Variants in SH3RF2 observed in about 807,000 individuals in gnomAD.
The protein encoded by SH3RF2 is E3 ubiquitin-protein ligase SH3RF2.
SH3RF2 carries 43 observed loss-of-function variants against 59.0 expected under a neutral mutation model. The ratio of observed to expected loss-of-function variants is 0.73; its 90% confidence interval spans 0.57 to 0.94. The LOEUF (loss-of-function observed/expected upper bound fraction) is 0.94, where lower values mean the gene tolerates loss of function less well. Ranked by LOEUF, SH3RF2 falls within the 40% of genes least tolerant of loss-of-function variation. The probability of loss-of-function intolerance (pLI) is 0.00; values close to 1 mark genes in which losing one functional copy is unlikely to be tolerated. For synonymous variants in SH3RF2, 391 were observed against 391.5 expected (o/e 1.00, Z 0.01); for missense variants, 930 against 940.1 (o/e 0.99, Z 0.14).
At chr5:146,026,846 T>C (rs560872048) in intron 5 of SH3RF2, among the ~76,000 whole-genome samples, 2 of 152,290 alleles carry the variant, frequency 1.3e-5, no homozygotes, top group South Asian at 2.1e-4. Flanking sequence ...GGACTAATGA[T>C]GGTAATTTTC....
At chr5:146,023,124 T>C (rs1214138519) in intron 5 of SH3RF2, among the ~76,000 whole-genome samples, 1 of 152,222 alleles carries the variant, frequency 6.6e-6, no homozygotes, top group African/African-American at 2.4e-5. Context: ...CTTGCCCTTT[T>C]GAATTTTCCA....
At chr5:145,976,639 T>G (rs1759307409) in intron 2 of SH3RF2, among the ~76,000 whole-genome samples, 1 of 152,184 alleles carries the variant, frequency 6.6e-6, no homozygotes. Flanking sequence ...TATTAGTCAT[T>G]GACTGATAGA....
chr5:146,023,457 C>G (rs947467111), intron 5 of SH3RF2, among the ~76,000 whole-genome samples: 1 of 152,170 alleles, frequency 6.6e-6, no homozygotes, highest in South Asian at 2.1e-4. Flanking sequence ...AATCCACCCG[C>G]CTCGGCCTCC....
intron 5 of SH3RF2, among the ~76,000 whole-genome samples, chr5:146,038,636 T>G (rs1345335567): frequency 6.6e-6 from 1 of 152,156 alleles, no homozygotes; most frequent in Non-Finnish European, 1.5e-5. Context: ...TTGAGAAAAT[T>G]TATAAAACAT....
rs780523237 is a variant in SH3RF2 at position 146,049,100 on chromosome 5, GC to G, written c.1180del (p.His394MetfsTer98). On this transcript the variant is annotated frameshift_variant, in exon 7 of 10. Transcript: ENST00000359120. LOFTEE classifies it high-confidence loss of function. ...NMFVALHSYS[A>X]HGPDELDLQK... ...GTTTGTAGCCCTGCACTCCTACTCAGCCCATGGACCCGATGAGCTGGACCTG... is the reference window on the plus strand; with the variant it reads ...GTTTGTAGCCCTGCACTCCTACTCAGCCATGGACCCGATGAGCTGGACCTG... The G allele has an allele frequency of 3.7e-6, 6 of 1,614,006 alleles. No homozygotes were observed. The highest frequency in any genetic ancestry group is 2.5e-6 in the Non-Finnish European group (3 of 1,179,976).
chr5:146,059,374 G>A (rs1212357730), intron 8 of SH3RF2, among the ~76,000 whole-genome samples: 2 of 151,448 alleles, frequency 1.3e-5, no homozygotes, highest in East Asian at 3.9e-4. Context: ...CAAGTCGCTG[G>A]GCAGAGTTTT....
At chr5:145,974,788 G>A (rs1339632895) in intron 2 of SH3RF2, among the ~76,000 whole-genome samples, 4 of 152,240 alleles carry the variant, frequency 2.6e-5, no homozygotes, top group East Asian at 3.9e-4. Flanking sequence ...GGTGGGAGAA[G>A]GAGGAGAAAA....
At chr5:145,952,630 T>C (rs1758232515) in intron 2 of SH3RF2, among the ~76,000 whole-genome samples, 1 of 152,186 alleles carries the variant, frequency 6.6e-6, no homozygotes. Context: ...AAGACAGACG[T>C]GTAATGTATA....
At chr5:146,035,143 T>C (rs1025850730) in intron 5 of SH3RF2, among the ~76,000 whole-genome samples, 2 of 151,068 alleles carry the variant, frequency 1.3e-5, no homozygotes, top group Non-Finnish European at 2.9e-5. Flanking sequence ...GCTTTGATAA[T>C]GGGTGGTGGT....
rs1310152785 is a variant in SH3RF2 at position 145,938,184 on chromosome 5, G to C, written c.256G>C (p.Gly86Arg). The change falls in exon 2 of 10, where the codon GGC becomes CGC. Residue 86 changes from glycine to arginine, a missense_variant. Transcript: ENST00000359120. ...VRSGQSSGRG[G>R]SFRRPGTMTL... is the part of the protein sequence containing the mutation. ...CTCAGGGCAGAGCTCCGGGAGAGGG[G>C]GCTCCTTCCGCAGGCCTGGCACGAT... 1 of 1,614,008 alleles carries C rather than the reference G, an allele frequency of 6.2e-7. No homozygotes were observed. The highest frequency in any genetic ancestry group is 2.2e-5 in the East Asian group (1 of 44,874).
At chr5:145,939,308 G>C (rs1414505006) in intron 2 of SH3RF2, among the ~76,000 whole-genome samples, 1 of 152,220 alleles carries the variant, frequency 6.6e-6, no homozygotes, top group Non-Finnish European at 1.5e-5. Context: ...GCAAGCATTA[G>C]AGTCTAAATG....
intron 5 of SH3RF2, among the ~76,000 whole-genome samples, chr5:146,026,213 T>G (rs191590058): frequency 6.6e-6 from 1 of 152,298 alleles, no homozygotes; most frequent in East Asian, 1.9e-4. Context: ...CCCCCAAAAA[T>G]TAAATAAACA....
At position 146,002,048 on chromosome 5, in the gene SH3RF2, A is replaced by C. The variant is rs144995239; in HGVS notation, c.648+1721A>C. ...CATTCAATAAACTTATTGGCTGACT[A>C]CTAAAAGGGAGCCACTGTGTTAGGT... On this transcript the variant is annotated intron_variant, in intron 3 of 9. Transcript: ENST00000359120. Among the ~76,000 whole-genome samples, 595 of 152,354 alleles carry C rather than the reference A, an allele frequency of 3.9e-3. 5 individuals carry two copies. Among genetic ancestry groups the C allele is most frequent in the African/African-American group, 0.014 (563 of 41,580 alleles).
In SH3RF2 at chr5:146,016,108, G is replaced by A. The variant is rs528206230; in HGVS notation, c.1059+2047G>A. 1.3e-4 allele frequency among the ~76,000 whole-genome samples: 20 copies of A among 152,230 alleles called. 3 individuals are homozygous for A. The highest frequency in any genetic ancestry group is 4.1e-4 in the African/African-American group (17 of 41,526). On this transcript the variant is annotated intron_variant, in intron 5 of 9. Transcript: ENST00000359120. ...AAATCAAGGAATCAAGACTTTTAAC[G>A]TAAATATCTGGGCAGGTGGTGGTGA...
chr5:146,016,248 A>G (rs1055625922), intron 5 of SH3RF2, among the ~76,000 whole-genome samples: 1 of 152,228 alleles, frequency 6.6e-6, no homozygotes, highest in Non-Finnish European at 1.5e-5. Flanking sequence ...GCTAGTAACC[A>G]TAGTGAGTAC....
At chr5:146,050,049 G>A (rs1762442223) in intron 7 of SH3RF2, 1 of 152,102 alleles carries the variant, frequency 6.6e-6, no homozygotes, top group Non-Finnish European at 1.5e-5. Flanking sequence ...TTCTGTGCGG[G>A]TCAGACCTAG....
chr5:146,045,875 T>C (rs1311513476), intron 5 of SH3RF2, among the ~76,000 whole-genome samples: 2 of 152,226 alleles, frequency 1.3e-5, no homozygotes, highest in Non-Finnish European at 2.9e-5. Context: ...ATGGTAATCC[T>C]ATGTTTAATC....
In SH3RF2 at chr5:146,071,987, CAG is replaced by C. The variant is rs1763249624; in HGVS notation, c.*34-6471_*34-6470del. On this transcript the variant is annotated intron_variant, in intron 9 of 9. Transcript: ENST00000511217. Reference sequence around the variant, plus strand: ...CAATAGCAAGCTAGGCTCTATCAGACAGAAGTGAGAGGAGAGAACAGTGAGAG... The same window carrying C: ...CAATAGCAAGCTAGGCTCTATCAGACAAGTGAGAGGAGAGAACAGTGAGAG... Among the ~76,000 whole-genome samples the C allele has an allele frequency of 3.3e-5, 5 of 152,264 alleles. No individual in the cohort carries two copies. In the South Asian group the frequency reaches 1.0e-3, roughly 32 times the overall value.
rs756268962 is a variant in SH3RF2 at position 146,014,051 on chromosome 5, G to C, written c.1049G>C (p.Cys350Ser). Residue 350 changes from cysteine (C) to serine (S), a missense_variant, in exon 5 of 10, where the codon TGT becomes TCT. Coordinates refer to ENST00000359120, the MANE Select transcript of SH3RF2 (RefSeq NM_152550.4). Reference protein sequence around the residue: ...PMEKADVPSSCVGQVSTYHPA... With the variant: ...PMEKADVPSSSVGQVSTYHPA... Reference sequence around the variant, plus strand: ...GAGAAAGCAGACGTTCCTTCCAGCTGTGTGGGACAGGTAGGGAAGAAACGC... The same window carrying C: ...GAGAAAGCAGACGTTCCTTCCAGCTCTGTGGGACAGGTAGGGAAGAAACGC... The C allele has an allele frequency of 8.1e-6, 13 of 1,613,844 alleles. No individual in the cohort carries two copies. Among genetic ancestry groups the C allele is most frequent in the Middle Eastern group, 1.7e-4 (1 of 6,060 alleles).
Sources: gnomAD v4.1 joint callset for allele counts (sites outside exome capture counted in the v4.1 genomes callset) on GRCh38, gnomAD v4.1.1 for gene constraint, MANE v1.5 for transcripts, NCBI Gene and HGNC (gene_info 2026-07-23, HGNC 2026-07-21) for gene names.